LINGO1: variants seen among roughly 807,000 people sequenced by gnomAD.
The protein encoded by LINGO1 is leucine rich repeat and Ig domain containing 1, also known as leucine-rich repeat and immunoglobulin-like domain-containing nogo receptor-interacting protein 1.
A neutral mutation model predicts 37.3 loss-of-function variants in LINGO1; 11 were observed. The observed-to-expected ratio is 0.29, with a 90% CI of 0.19 to 0.49. The LOEUF is 0.49. Among genes scored for constraint, LINGO1 ranks in the 20% least tolerant of loss-of-function variants. The probability of loss-of-function intolerance (pLI) is 0.99; values close to 1 mark genes in which losing one functional copy is unlikely to be tolerated. For synonymous variants in LINGO1, 387 were observed against 403.0 expected (o/e 0.96, Z 0.48); for missense variants, 585 against 878.2 (o/e 0.67, Z 4.22).
At chr15:77,735,286 CT>C (rs1370642001) in intron 1 of LINGO1, among the ~76,000 whole-genome samples, 3 of 152,224 alleles carry the variant, frequency 2.0e-5, no homozygotes, top group Non-Finnish European at 4.4e-5. Flanking sequence ...AGGGCCTGGG[CT>C]ACAGCAGGCT....
intron 2 of LINGO1, among the ~76,000 whole-genome samples, chr15:77,718,565 C>A (rs887017519): frequency 6.6e-6 from 1 of 151,008 alleles, no homozygotes; most frequent in Non-Finnish European, 1.5e-5. Context: ...CACACGTCCA[C>A]AGGCAAGCCT....
chr15:77,699,255 G>A (rs1032680512), upstream of LINGO1, among the ~76,000 whole-genome samples: 23 of 84,436 alleles, frequency 2.7e-4, no homozygotes, highest in African/African-American at 9.7e-4. Flanking sequence ...CGATGGTCAG[G>A]AAAGCACGAG....
At chr15:77,666,138 G>A (rs2075125131) in intron 3 of LINGO1, among the ~76,000 whole-genome samples, 1 of 152,208 alleles carries the variant, frequency 6.6e-6, no homozygotes, top group African/African-American at 2.4e-5. Flanking sequence ...ATGAGTGAAT[G>A]AATGAATGAC....
At chr15:77,620,383 A>T (rs1007538) in intron 1 of LINGO1, among the ~76,000 whole-genome samples, 23,360 of 152,206 alleles carry the variant, frequency 0.15, 3,478 homozygotes, top group African/African-American at 0.38. Context: ...ACACTGAGCC[A>T]TCAGACCAGC....
At chr15:77,811,405 T>C (rs1414208330) in intron 1 of LINGO1, among the ~76,000 whole-genome samples, 1 of 152,072 alleles carries the variant, frequency 6.6e-6, no homozygotes, top group Non-Finnish European at 1.5e-5. Flanking sequence ...TTCAGAGGGG[T>C]CCAGCTCCAG....
chr15:77,743,651 A>G (rs1181982440), intron 1 of LINGO1, among the ~76,000 whole-genome samples: 1 of 152,214 alleles, frequency 6.6e-6, no homozygotes, highest in African/African-American at 2.4e-5. Flanking sequence ...AAGCAGAGGC[A>G]AAAGCATCGT....
chr15:77,648,212 T>C (rs199940631), intron 3 of LINGO1: 9 of 298,174 alleles, frequency 3.0e-5, no homozygotes, highest in Non-Finnish European at 5.2e-5. Flanking sequence ...CAAGTTACCA[T>C]TGAAGGAGCA....
intron 2 of LINGO1, chr15:77,720,701 G>A (rs1445252308): frequency 6.6e-6 from 1 of 150,718 alleles, no homozygotes; most frequent in Admixed American, 6.6e-5. Context: ...TTTTTCTTGA[G>A]CTCCCTTCCC....
intron 1 of LINGO1, among the ~76,000 whole-genome samples, chr15:77,763,768 C>T (rs188128419): frequency 6.6e-6 from 1 of 152,152 alleles, no homozygotes; most frequent in African/African-American, 2.4e-5. Context: ...CCTGAGGGTC[C>T]GGAGCTGTTA....
At chr15:77,704,922 C>A (rs954194542) in intron 2 of LINGO1, among the ~76,000 whole-genome samples, 1 of 152,176 alleles carries the variant, frequency 6.6e-6, no homozygotes, top group African/African-American at 2.4e-5. Flanking sequence ...ATAGCCCTGA[C>A]AGTCACCAGC....
Position 77,724,957 on chromosome 15 carries a change from A to G in LINGO1, c.-195+10035T>C, listed in dbSNP as rs574047976. 2.1e-4 allele frequency among the ~76,000 whole-genome samples: 32 copies of G among 152,306 alleles called. No homozygotes were observed. In the East Asian group the frequency reaches 6.2e-3, roughly 29 times the overall value. ...GTGGACCCGGCCACCGCCCCACCCCAGGAGAGCCTGAGATGAAGGCCTGGC... is the reference window on the plus strand; with the variant it reads ...GTGGACCCGGCCACCGCCCCACCCCGGGAGAGCCTGAGATGAAGGCCTGGC... On this transcript the variant is annotated intron_variant, in intron 2 of 3. Transcript: ENST00000561686.
intron 1 of LINGO1, among the ~76,000 whole-genome samples, chr15:77,774,402 A>G (rs990311966): frequency 2.6e-5 from 4 of 152,028 alleles, no homozygotes; most frequent in East Asian, 1.9e-4. Context: ...CAGAATCGAG[A>G]AGCAGCCCCC....
chr15:77,670,652 C>T (rs568240951), intron 3 of LINGO1, among the ~76,000 whole-genome samples: 2 of 152,378 alleles, frequency 1.3e-5, no homozygotes, highest in South Asian at 4.1e-4. Context: ...CAGGTGAGGC[C>T]ACTGAGGCCC....
intron 2 of LINGO1, among the ~76,000 whole-genome samples, chr15:77,730,638 A>G (rs2076145366): frequency 6.6e-6 from 1 of 152,172 alleles, no homozygotes; most frequent in African/African-American, 2.4e-5. Context: ...CACAGCATCA[A>G]CCTGGGGGAG....
intron 3 of LINGO1, among the ~76,000 whole-genome samples, chr15:77,657,797 C>T (rs1300888311): frequency 2.6e-5 from 4 of 152,110 alleles, no homozygotes; most frequent in South Asian, 2.1e-4. Flanking sequence ...GGCTCCGCCG[C>T]GGGGGCTTGA....
At chr15:77,721,032 G>A (rs1422875861) in intron 2 of LINGO1, among the ~76,000 whole-genome samples, 2 of 151,912 alleles carry the variant, frequency 1.3e-5, no homozygotes, top group African/African-American at 4.8e-5. Flanking sequence ...CAATACCATG[G>A]TCTGAGCCAC....
chr15:77,682,683 C>G (rs8043367), intron 2 of LINGO1, among the ~76,000 whole-genome samples: 7,611 of 152,180 alleles, frequency 0.05, 235 homozygotes, highest in East Asian at 0.13. Context: ...CTCCCCACCC[C>G]CTTCTGGGCA....
intron 2 of LINGO1, among the ~76,000 whole-genome samples, chr15:77,722,743 G>A (rs955773566): frequency 2.3e-4 from 35 of 152,208 alleles, no homozygotes; most frequent in African/African-American, 8.2e-4. Flanking sequence ...ACCTGGTGGT[G>A]GTGGAGAGTG....
At chr15:77,639,891 T>G (rs1371141486) in intron 3 of LINGO1, among the ~76,000 whole-genome samples, 1 of 152,126 alleles carries the variant, frequency 6.6e-6, no homozygotes. Flanking sequence ...GTCAGGCCTA[T>G]CCTGATCCCC....
Sources: gnomAD v4.1 joint callset for allele counts (sites outside exome capture counted in the v4.1 genomes callset) on GRCh38, gnomAD v4.1.1 for gene constraint, MANE v1.5 for transcripts, NCBI Gene and HGNC (gene_info 2026-07-23, HGNC 2026-07-21) for gene names.